The following POLR1G variants were observed in gnomAD, a reference collection of about 807,000 sequenced individuals.
POLR1G encodes DNA-directed RNA polymerase I subunit RPA34.
In POLR1G, 9 loss-of-function variants were observed where a neutral mutation model predicts 6.3. The ratio of observed to expected loss-of-function variants is 1.44; its 90% CI spans 0.87 to 2.51. The LOEUF (loss-of-function observed/expected upper bound fraction) is 2.51, where lower values mean the gene tolerates loss of function less well. Ranked by LOEUF, POLR1G falls within the 30% of genes most tolerant of loss-of-function variation. The pLI is 0.00. For missense variants in POLR1G, 617 were observed against 632.5 expected (o/e 0.98, Z 0.26); for synonymous variants, 248 against 256.5 (o/e 0.97, Z 0.32).
rs1033828353 is a variant in POLR1G, at chr19:45,409,926, C to G, written c.*425C>G. 5.0e-6 allele frequency: 1 copy of G among 200,044 alleles called. No individual in the cohort carries two copies. The highest frequency in any genetic ancestry group is 2.5e-5 in the African/African-American group (1 of 39,972). 12.4% of individuals were successfully genotyped at this position (200,044 alleles called of 1,614,324 possible). ...TTTTTTTTTGAGATGGAGTCTCGCT[C>G]TGTCGCCCAGGTTGGAGTGCAGTGG... On this transcript the variant is annotated 3_prime_UTR_variant, in exon 3 of 3. Coordinates refer to ENST00000309424, the MANE Select transcript of POLR1G (RefSeq NM_012099.3).
intron 2 of POLR1G, chr19:45,407,786 G>C: frequency 3.9e-6 from 1 of 258,160 alleles, no homozygotes; most frequent in Non-Finnish European, 7.4e-6. Flanking sequence ...GCCAGGCGCA[G>C]TGGCTGGTGC....
rs577909044 is a variant in POLR1G at position 45,406,672 on chromosome 19, G to C, written c.-25G>C. 1 of 1,546,752 alleles carries C rather than the reference G, an allele frequency of 6.5e-7. No homozygotes were observed. The highest frequency in any genetic ancestry group is 1.4e-5 in the African/African-American group (1 of 72,636). On this transcript the variant is annotated 5_prime_UTR_variant, in exon 1 of 3. Coordinates refer to ENST00000309424, the MANE Select transcript of POLR1G (RefSeq NM_012099.3). This position sits in a 1 kb window ranked among gnomAD's most constrained non-coding sequence, Gnocchi z 4.2. Reference sequence around the variant, plus strand: ...CTGGTGCGAGCAGCCCGGGCTACAGGGTTGCCTGAGGTGTGGGTCCCAGGA... The same window carrying C: ...CTGGTGCGAGCAGCCCGGGCTACAGCGTTGCCTGAGGTGTGGGTCCCAGGA...
intron 2 of POLR1G, chr19:45,407,856 G>T: frequency 3.1e-6 from 1 of 319,466 alleles, no homozygotes; most frequent in Admixed American, 4.5e-5. Flanking sequence ...AGGAGTTCAA[G>T]ACCAGCCTGG....
At position 45,409,429 on chromosome 19, in the gene POLR1G, T is replaced by G. The variant is rs1973548857; in HGVS notation, c.1461T>G (p.Asn487Lys). Residue 487 changes from asparagine to lysine, a missense_variant, in exon 3 of 3, where the codon AAT becomes AAG. By Grantham distance (94) the Asn-to-Lys change is moderately conservative. Transcript: ENST00000309424. Reference sequence around the variant, plus strand: ...AGGAGATGCCAGGGCCGCCACTGAATTCAGAGTCTGGGGAGGAGGCTCCCA... The same window carrying G: ...AGGAGATGCCAGGGCCGCCACTGAAGTCAGAGTCTGGGGAGGAGGCTCCCA... ...PQEEMPGPPL[N>K]SESGEEAPTG... The G allele has an allele frequency of 3.1e-6, 5 of 1,613,412 alleles. No individual in the cohort carries two copies. Among genetic ancestry groups the G allele is most frequent in the Non-Finnish European group, 3.4e-6 (4 of 1,179,988 alleles).
chr19:45,406,706 C>T lies in POLR1G; in HGVS notation c.10C>T (p.Pro4Ser). ...AGGTGTGGGTCCCAGGATGGAGGAG[C>T]CCCAGGCCGGCGGTGAGGGTGCGGG... MEE[P>S]QAGDAARFSC... The change falls in exon 1 of 3, where the codon CCC becomes TCC. Residue 4 changes from proline (P) to serine (S), a missense_variant. Coordinates refer to ENST00000309424, the MANE Select transcript of POLR1G (RefSeq NM_012099.3). The surrounding 1 kb of genome is among the most constrained non-coding windows in gnomAD (Gnocchi z 4.2). 1.3e-6 allele frequency: 2 copies of T among 1,534,314 alleles called. No homozygotes were observed. Among genetic ancestry groups the T allele is most frequent in the South Asian group, 1.2e-5 (1 of 81,888 alleles).
At position 45,406,765 on chromosome 19, in the gene POLR1G, A is replaced by G. The variant is rs544525099; in HGVS notation, c.22+47A>G. 1.1e-5 allele frequency: 17 copies of G among 1,490,112 alleles called. No individual in the cohort carries two copies. The South Asian group carries it at 2.2e-4, about 19-fold the overall frequency. 92.3% of individuals were successfully genotyped at this position (1,490,112 alleles called of 1,614,324 possible). On this transcript the variant is annotated intron_variant, in intron 1 of 2. Coordinates refer to ENST00000309424, the MANE Select transcript of POLR1G (RefSeq NM_012099.3). The surrounding 1 kb of genome is among the most constrained non-coding windows in gnomAD (Gnocchi z 4.2). ...GTGCGGAGGGTGCGTTGGTGGAAGG[A>G]GAAAGGGGCGTCCGAGAGGGTTCGG... is the stretch of plus-strand genomic sequence containing the variant.
chr19:45,408,433 C>T lies in POLR1G; in HGVS notation c.465C>T (p.Asn155=). 1.2e-6 allele frequency: 2 copies of T among 1,613,762 alleles called. No homozygotes were observed. Among genetic ancestry groups the T allele is most frequent in the Non-Finnish European group, 1.7e-6 (2 of 1,179,896 alleles). Residue 155 remains asparagine (N), a synonymous_variant, in exon 3 of 3, where the codon AAC becomes AAT. Coordinates refer to ENST00000309424, the MANE Select transcript of POLR1G (RefSeq NM_012099.3). ...CTCGGTTCTGTGCCTTTGGGGGCAA[C>T]CCACCAGTCACAGGGCCTAGGTCAG... ...LRPRFCAFGG[N]PPVTGPRSAL... is the part of the protein sequence containing the mutation.
intron 2 of POLR1G, 67 bp from the exon 3 acceptor site, chr19:45,408,061 CAAAAA>C: frequency 7.1e-7 from 1 of 1,404,144 alleles, no homozygotes. Context: ...CAAAAAAAAA[CAAAAA>C]AAAAATCAAA....
In POLR1G at chr19:45,408,424, TG is replaced by T; in HGVS notation, c.461del (p.Gly154AlafsTer28). The T allele has an allele frequency of 6.2e-7, 1 of 1,613,544 alleles. No individual in the cohort carries two copies. The highest frequency in any genetic ancestry group is 8.5e-7 in the Non-Finnish European group (1 of 1,179,826). ...GCCTGAGGCCTCGGTTCTGTGCCTT[TG>T]GGGGCAACCCACCAGTCACAGGGCC... is the stretch of plus-strand genomic sequence containing the variant. ...PGLRPRFCAF[G>X]GNPPVTGPRS... On this transcript the variant is annotated frameshift_variant, in exon 3 of 3. Transcript: ENST00000309424. LOFTEE classifies it low-confidence loss of function (END_TRUNC).
In POLR1G at chr19:45,408,521, C is replaced by T; in HGVS notation, c.553C>T (p.Pro185Ser). 1 of 1,614,004 alleles carries T rather than the reference C, an allele frequency of 6.2e-7. No individual in the cohort carries two copies. Among genetic ancestry groups the T allele is most frequent in the Non-Finnish European group, 8.5e-7 (1 of 1,179,998 alleles). Residue 185 changes from proline to serine, a missense_variant, in exon 3 of 3, where the codon CCA (proline) becomes TCA (serine). By Grantham distance (74) the Pro-to-Ser change is moderately conservative. Coordinates refer to ENST00000309424, the MANE Select transcript of POLR1G (RefSeq NM_012099.3). ...KKKEMQVTEA[P>S]VTQEAVNGHG... ...AAAGGAGATGCAGGTGACAGAGGCC[C>T]CAGTCACTCAGGAGGCAGTGAATGG...
rs761067606 is a variant in POLR1G at position 45,409,408 on chromosome 19, G to A, written c.1440G>A (p.Glu480=). The A allele has an allele frequency of 3.1e-6, 5 of 1,613,876 alleles. No homozygotes were observed. The highest frequency in any genetic ancestry group is 4.2e-6 in the Non-Finnish European group (5 of 1,180,000). ...SRMPETVPQE[E]MPGPPLNSES... The stretch of plus-strand genomic sequence containing the variant: ...TGCCAGAGACAGTGCCCCAAGAGGA[G>A]ATGCCAGGGCCGCCACTGAATTCAG... Residue 480 remains glutamate, a synonymous_variant, in exon 3 of 3, where the codon GAG becomes GAA. Coordinates refer to ENST00000309424, the MANE Select transcript of POLR1G (RefSeq NM_012099.3).
At position 45,408,656 on chromosome 19, in the gene POLR1G, G is replaced by T; in HGVS notation, c.688G>T (p.Val230Leu). ...QLKEPEAAGP[V>L]GTEPTVETLE... ...GAAAGAACCAGAGGCAGCAGGGCCT[G>T]TGGGGACAGAGCCCACAGTGGAGAC... Residue 230 changes from valine (V) to leucine (L), a missense_variant, in exon 3 of 3, where the codon GTG becomes TTG. Transcript: ENST00000309424. 6.2e-7 allele frequency: 1 copy of T among 1,613,936 alleles called. No individual in the cohort carries two copies. The highest frequency in any genetic ancestry group is 8.5e-7 in the Non-Finnish European group (1 of 1,180,002).
chr19:45,408,119 G>T lies in POLR1G; in HGVS notation c.165-14G>T. 6.3e-7 allele frequency: 1 copy of T among 1,580,568 alleles called. No homozygotes were observed. The highest frequency in any genetic ancestry group is 1.1e-5 in the South Asian group (1 of 88,290). On this transcript the variant is annotated splice_polypyrimidine_tract_variant and intron_variant, in intron 2 of 2. Transcript: ENST00000309424. ...TTCCACTTAAGCCTCTGCCCTCCCT[G>T]TTTCTCTCTGTAGCTTCAATGGGCG...
In POLR1G at chr19:45,408,555, C is replaced by T; in HGVS notation, c.587C>T (p.Ala196Val). 2.5e-6 allele frequency: 4 copies of T among 1,613,852 alleles called. No individual in the cohort carries two copies. Among genetic ancestry groups the T allele is most frequent in the African/African-American group, 1.3e-5 (1 of 74,988 alleles). Residue 196 changes from alanine (A) to valine (V), a missense_variant, in exon 3 of 3, where the codon GCC becomes GTC. Ala to Val is a moderately conservative substitution (Grantham distance 64). Transcript: ENST00000309424. ...CAGGAGGCAGTGAATGGGCACGGGG[C>T]CCTGGAGGTGGACATGGCTTTGGGG... ...VTQEAVNGHG[A>V]LEVDMALGSP...
chr19:45,410,565 T>TTTTGTGTGTGTGTGTGTG lies in POLR1G; in HGVS notation c.*1065_*1066insTTGTGTGTGTGTGTGTGT, dbSNP rs1555785408. The stretch of plus-strand genomic sequence containing the variant: ...ATAGTATGTCTTATTCATTCTTTCT[T>TTTTGTGTGTGTGTGTGTG]TGTGTGTGTGTGTGTGTGTGTGTGT... On this transcript the variant is annotated 3_prime_UTR_variant, in exon 3 of 3. Transcript: ENST00000309424. The TTTTGTGTGTGTGTGTGTG allele has an allele frequency of 1.4e-5, 2 of 140,722 alleles. No homozygotes were observed. Among genetic ancestry groups the TTTTGTGTGTGTGTGTGTG allele is most frequent in the South Asian group, 2.3e-4 (1 of 4,296 alleles). The allele number at this position is 140,722 out of a possible 1,614,324, so 8.7% of individuals were successfully genotyped here.
rs1387192837 is a variant in POLR1G at position 45,408,564 on chromosome 19, T to C, written c.596T>C (p.Val199Ala). ...EAVNGHGALE[V>A]DMALGSPEMD... is the part of the protein sequence containing the mutation. ...GTGAATGGGCACGGGGCCCTGGAGG[T>C]GGACATGGCTTTGGGGTCGCCAGAA... The change falls in exon 3 of 3, where the codon GTG becomes GCG. Residue 199 changes from valine to alanine, a missense_variant. Coordinates refer to ENST00000309424, the MANE Select transcript of POLR1G (RefSeq NM_012099.3). The C allele has an allele frequency of 6.2e-7, 1 of 1,609,796 alleles. No individual in the cohort carries two copies. The highest frequency in any genetic ancestry group is 1.4e-5 in the African/African-American group (1 of 73,406).
intron 1 of POLR1G, 49 bp from the exon 2 acceptor site, chr19:45,407,045 T>C: frequency 1.9e-6 from 3 of 1,559,100 alleles, no homozygotes; most frequent in Non-Finnish European, 2.6e-6. Context: ...CCTGCAAGAT[T>C]GGACCGGCAA....
chr19:45,407,184 C>G lies in POLR1G; in HGVS notation c.113C>G (p.Pro38Arg). The change falls in exon 2 of 3, where the codon CCA (proline) becomes CGA (arginine). Residue 38 changes from proline (P) to arginine (R), a missense_variant. Physicochemically the swap from Pro to Arg is moderately radical, Grantham distance 103. Transcript: ENST00000309424. ...PRFSLEALTG[P>R]DTELWLIQAP... Reference sequence around the variant, plus strand: ...TTCTCCTTGGAGGCGCTGACGGGTCCAGATACGGAGCTGTGGCTTATTCAG... The same window carrying G: ...TTCTCCTTGGAGGCGCTGACGGGTCGAGATACGGAGCTGTGGCTTATTCAG... The G allele has an allele frequency of 6.2e-7, 1 of 1,613,268 alleles. No homozygotes were observed. Among genetic ancestry groups the G allele is most frequent in the Non-Finnish European group, 8.5e-7 (1 of 1,179,798 alleles).
chr19:45,406,722 A>AGGGTGCGGGTTGACGGGGTGC lies in POLR1G; in HGVS notation c.22+7_22+27dup. The AGGGTGCGGGTTGACGGGGTGC allele has an allele frequency of 6.5e-7, 1 of 1,529,436 alleles. No individual in the cohort carries two copies. Among genetic ancestry groups the AGGGTGCGGGTTGACGGGGTGC allele is most frequent in the Non-Finnish European group, 8.8e-7 (1 of 1,140,214 alleles). The allele number at this position is 1,529,436 out of a possible 1,614,324, so 94.7% of individuals were successfully genotyped here. A position where few individuals can be genotyped will look rare whatever the true frequency, so the allele number is the denominator to read the frequency against. On this transcript the variant is annotated splice_donor_region_variant and intron_variant, in intron 1 of 2. Coordinates refer to ENST00000309424, the MANE Select transcript of POLR1G (RefSeq NM_012099.3). This position sits in a 1 kb window ranked among gnomAD's most constrained non-coding sequence, Gnocchi z 4.2. ...ATGGAGGAGCCCCAGGCCGGCGGTGAGGGTGCGGGTTGACGGGGTGCGGAG... is the reference window on the plus strand; with the variant it reads ...ATGGAGGAGCCCCAGGCCGGCGGTGAGGGTGCGGGTTGACGGGGTGCGGGTGCGGGTTGACGGGGTGCGGAG...
Sources: gnomAD v4.1 joint callset for allele counts on GRCh38, gnomAD v4.1.1 for gene constraint, Gnocchi (gnomAD v3.1) non-coding constraint, MANE v1.5 for transcripts, NCBI Gene and HGNC (gene_info 2026-07-23, HGNC 2026-07-21) for gene names.